Variants in NVL observed in about 807,000 individuals in gnomAD.
NVL encodes the protein nuclear VCP like, also known as nuclear valosin-containing protein-like.
In NVL, 84 loss-of-function variants were observed where a neutral mutation model predicts 110.2. The observed-to-expected ratio is 0.76, with a 90% CI of 0.64 to 0.91. The LOEUF (loss-of-function observed/expected upper bound fraction) is 0.91, where lower values mean the gene tolerates loss of function less well. Ranked by LOEUF, NVL falls within the 40% of genes least tolerant of loss-of-function variation. The pLI, the probability that NVL is intolerant of heterozygous loss-of-function variation, is 0.00. For missense variants in NVL, 882 were observed against 1,035.9 expected, an observed-to-expected ratio of 0.85 and a Z score of 2.04; for synonymous variants, 354 against 361.1, an observed-to-expected ratio of 0.98 and a Z score of 0.22.
chr1:224,281,795 A>C (rs1300070571), intron 15 of NVL, among the ~76,000 whole-genome samples: 2 of 151,348 alleles, frequency 1.3e-5, no homozygotes, highest in South Asian at 4.2e-4. Context: ...TCTACTAAAA[A>C]CACAAAAATT....
At chr1:224,317,064 G>A (rs982781437) in intron 4 of NVL, among the ~76,000 whole-genome samples, 23 of 151,068 alleles carry the variant, frequency 1.5e-4, no homozygotes, top group Admixed American at 1.1e-3. Flanking sequence ...GCTTGAACCC[G>A]GGGGGCAGAG....
At chr1:224,233,562 A>G (rs2102697467) in intron 20 of NVL, among the ~76,000 whole-genome samples, 1 of 152,184 alleles carries the variant, frequency 6.6e-6, no homozygotes, top group South Asian at 2.1e-4. Flanking sequence ...GTTTGAGACT[A>G]GTCTCAGCAA....
At chr1:224,250,992 G>A (rs536191870) in intron 18 of NVL, among the ~76,000 whole-genome samples, 1 of 151,658 alleles carries the variant, frequency 6.6e-6, no homozygotes, top group East Asian at 2.0e-4. Context: ...TGCAATTAAC[G>A]GCTGGGCGCG....
At chr1:224,323,124 T>C (rs1670819822) in intron 2 of NVL, among the ~76,000 whole-genome samples, 3 of 152,136 alleles carry the variant, frequency 2.0e-5, no homozygotes, top group South Asian at 2.1e-4. Flanking sequence ...AAGCAGGATA[T>C]TGGAAATTGG....
At chr1:224,323,910 C>G (rs1286020500) in intron 2 of NVL, among the ~76,000 whole-genome samples, 1 of 152,166 alleles carries the variant, frequency 6.6e-6, no homozygotes, top group African/African-American at 2.4e-5. Context: ...TCCAATTGCT[C>G]TCTTTTAGAA....
intron 5 of NVL, 52 bp downstream of exon 5, chr1:224,311,748 T>G: frequency 1.4e-6 from 2 of 1,411,750 alleles, no homozygotes; most frequent in East Asian, 4.6e-5. Context: ...GGAGGTACCA[T>G]AACAACTAAA....
In NVL at chr1:224,275,187, T is replaced by C. The variant is rs1454358601; in HGVS notation, c.2082+152A>G. 8 of 864,192 alleles carry C rather than the reference T, an allele frequency of 9.3e-6. No individual in the cohort carries two copies. In the African/African-American group the frequency reaches 1.0e-4, roughly 11 times the overall value. 53.5% of individuals were successfully genotyped at this position (864,192 alleles called of 1,614,324 possible). A position where few individuals can be genotyped will look rare whatever the true frequency, so the allele number is the denominator to read the frequency against. On this transcript the variant is annotated intron_variant, in intron 17 of 22. Transcript: ENST00000281701. ...AGAGGCGGATACAGAATACAACTGCTATCTCTAGGATTTGATTTCAAATTA... is the reference window on the plus strand; with the variant it reads ...AGAGGCGGATACAGAATACAACTGCCATCTCTAGGATTTGATTTCAAATTA...
intron 6 of NVL, among the ~76,000 whole-genome samples, chr1:224,307,698 C>CAAAAA (rs11366790): frequency 4.4e-5 from 3 of 67,456 alleles, no homozygotes; most frequent in Non-Finnish European, 5.6e-5. Context: ...GACCCAGTCT[C>CAAAAA]AAAAAAAAAA....
At chr1:224,324,836 A>G (rs1261255336) in intron 2 of NVL, among the ~76,000 whole-genome samples, 3 of 152,268 alleles carry the variant, frequency 2.0e-5, no homozygotes, top group African/African-American at 4.8e-5. Context: ...TGAGAAGGCC[A>G]TGAATTTTGG....
At chr1:224,263,489 T>G (rs1444057202) in intron 18 of NVL, among the ~76,000 whole-genome samples, 1 of 152,242 alleles carries the variant, frequency 6.6e-6, no homozygotes, top group African/African-American at 2.4e-5. Context: ...TTGGTCTTTT[T>G]CTAAAGTGTC....
At chr1:224,242,107 T>C (rs1210322687) in intron 19 of NVL, among the ~76,000 whole-genome samples, 1 of 151,862 alleles carries the variant, frequency 6.6e-6, no homozygotes, top group Non-Finnish European at 1.5e-5. Flanking sequence ...AGGCAAAGCA[T>C]AGAGACAGAA....
intron 9 of NVL, 81 bp from the exon 10 acceptor site, chr1:224,300,744 TTAAA>T: frequency 3.1e-6 from 3 of 954,168 alleles, no homozygotes; most frequent in Non-Finnish European, 4.8e-6. Flanking sequence ...CTCAAATTTT[TTAAA>T]TAGCTAGTTT....
chr1:224,271,605 A>G (rs1309993107), intron 17 of NVL, among the ~76,000 whole-genome samples: 2 of 152,144 alleles, frequency 1.3e-5, no homozygotes, highest in Non-Finnish European at 2.9e-5. Flanking sequence ...GTCTCGTAAT[A>G]ACCTCCAAAA....
At chr1:224,310,163 A>G (rs1472972279) in intron 5 of NVL, among the ~76,000 whole-genome samples, 4 of 143,970 alleles carry the variant, frequency 2.8e-5, no homozygotes, top group Admixed American at 7.2e-5. Flanking sequence ...TGGGCGACAG[A>G]GTGAGACTCC....
At position 224,311,808 on chromosome 1, in the gene NVL, C is replaced by G. The variant is rs771554968; in HGVS notation, c.334G>C (p.Asp112His). Residue 112 changes from aspartate to histidine, a missense_variant, in exon 5 of 23, where the codon GAT becomes CAT. This residue lies in a region of NVL where 274 missense variants were observed against 268.4 expected (regional missense o/e 1.02). Coordinates refer to ENST00000281701, the MANE Select transcript of NVL (RefSeq NM_002533.4). ...DDDSSMEDYP[D>H]PQSANHMNSS... is the part of the protein sequence containing the mutation. ...CTAAATGTTTGGCTTACCTGTGGAT[C>G]TGGGTAGTCTTCCATACTTGAATCA... 6.2e-6 allele frequency: 10 copies of G among 1,613,282 alleles called. No homozygotes were observed. The South Asian group carries it at 1.1e-4, about 18-fold the overall frequency.
intron 8 of NVL, 37 bp downstream of exon 8, chr1:224,304,699 A>G (rs1344474664): frequency 2.0e-6 from 3 of 1,482,046 alleles, no homozygotes; most frequent in East Asian, 2.3e-5. Context: ...GATTAGTAAT[A>G]TATCCATTTG....
intron 2 of NVL, 71 bp from the exon 3 acceptor site, chr1:224,318,001 T>C (rs1572059028): frequency 9.6e-7 from 1 of 1,041,130 alleles, no homozygotes; most frequent in Non-Finnish European, 1.4e-6. Flanking sequence ...TCAATCTAAA[T>C]GGATCAAATA....
In NVL at chr1:224,289,728, A is replaced by G. The variant is rs1394361154; in HGVS notation, c.1331T>C (p.Leu444Pro). The G allele has an allele frequency of 6.2e-7, 1 of 1,605,690 alleles. No individual in the cohort carries two copies. The highest frequency in any genetic ancestry group is 1.1e-5 in the South Asian group (1 of 90,156). ...CCTCAGTTTTCTGCACAATGTTTGA[A>G]GTATTCTGTAGAAAAGACAGGGGAA... Reference protein sequence around the residue: ...IPDEASRERILQTLCRKLRLP... With the variant: ...IPDEASRERIPQTLCRKLRLP... Residue 444 changes from leucine (L) to proline (P), a missense_variant, in exon 13 of 23, where the codon CTT becomes CCT. Around this residue, in one of 4 missense-constraint regions of NVL, gnomAD observed 416 missense variants for 499.3 expected, o/e 0.83. Coordinates refer to ENST00000281701, the MANE Select transcript of NVL (RefSeq NM_002533.4).
intron 19 of NVL, among the ~76,000 whole-genome samples, chr1:224,240,732 A>T (rs920004672): frequency 1.3e-5 from 2 of 152,030 alleles, no homozygotes; most frequent in Non-Finnish European, 1.5e-5. Context: ...AAACCTTTAG[A>T]AAAAGAAATA....
Sources: gnomAD v4.1 joint callset for allele counts (sites outside exome capture counted in the v4.1 genomes callset) on GRCh38, gnomAD v4.1.1 for gene constraint, gnomAD v4.1.1 regional missense constraint, MANE v1.5 for transcripts, NCBI Gene and HGNC (gene_info 2026-07-23, HGNC 2026-07-21) for gene names.